Variants in ASAP1 observed in about 807,000 individuals in gnomAD.
ASAP1 encodes the protein arf-GAP with SH3 domain, ANK repeat and PH domain-containing protein 1.
Under a neutral mutation model 145.2 loss-of-function variants are expected in ASAP1, and 43 were observed. The observed-to-expected ratio is 0.30, with a 90% confidence interval of 0.23 to 0.38. ASAP1 has a LOEUF of 0.38. ASAP1 is among the 10% of genes least tolerant of loss of function. ASAP1 has a pLI of 1.00. For synonymous variants in ASAP1, 546 were observed against 515.5 expected, an observed-to-expected ratio of 1.06 and a Z score of -0.80; for missense variants, 1,018 against 1,355.3, an observed-to-expected ratio of 0.75 and a Z score of 3.91.
chr8:130,100,224 A>G (rs555053597), intron 24 of ASAP1, among the ~76,000 whole-genome samples: 1 of 152,284 alleles, frequency 6.6e-6, no homozygotes, highest in South Asian at 2.1e-4. Context: ...GAAATAGATA[A>G]TATCTCATTG....
chr8:130,183,745 A>G (rs1442335440), intron 7 of ASAP1, among the ~76,000 whole-genome samples: 1 of 152,206 alleles, frequency 6.6e-6, no homozygotes, highest in Non-Finnish European at 1.5e-5. Context: ...TTGGAAACAC[A>G]AAACCTAAAC....
intron 5 of ASAP1, among the ~76,000 whole-genome samples, chr8:130,197,600 G>A (rs1815587273): frequency 6.6e-6 from 1 of 152,226 alleles, no homozygotes; most frequent in Non-Finnish European, 1.5e-5. Context: ...GCAGTTAGCT[G>A]AGACACAGTG....
intron 27 of ASAP1, among the ~76,000 whole-genome samples, chr8:130,073,706 G>A (rs1273003655): frequency 1.3e-5 from 2 of 152,156 alleles, no homozygotes; most frequent in Non-Finnish European, 2.9e-5. Flanking sequence ...TTAACCGCTG[G>A]CCCATCGGCT....
At chr8:130,399,390 A>G (rs922340641) in intron 2 of ASAP1, among the ~76,000 whole-genome samples, 1 of 152,220 alleles carries the variant, frequency 6.6e-6, no homozygotes, top group Non-Finnish European at 1.5e-5. Flanking sequence ...TATAATTAAT[A>G]TCACCTGAAA....
At chr8:130,357,895 T>A in intron 3 of ASAP1, 122 bp downstream of exon 3, 2 of 1,351,400 alleles carry the variant, frequency 1.5e-6, no homozygotes, top group Non-Finnish European at 2.0e-6. Context: ...ACCCGGCGGC[T>A]CCCTGAGGGG....
intron 13 of ASAP1, among the ~76,000 whole-genome samples, chr8:130,151,997 T>TA (rs1264587974): frequency 6.6e-6 from 1 of 152,234 alleles, no homozygotes; most frequent in Non-Finnish European, 1.5e-5. Flanking sequence ...TTAACTGAAA[T>TA]AAAGTTTATG....
At chr8:130,388,442 C>T (rs1828125362) in intron 2 of ASAP1, among the ~76,000 whole-genome samples, 1 of 152,160 alleles carries the variant, frequency 6.6e-6, no homozygotes, top group South Asian at 2.1e-4. Flanking sequence ...GAGAGGCCTG[C>T]TAGACTTCCA....
At chr8:130,228,343 T>C (rs982571905) in intron 4 of ASAP1, among the ~76,000 whole-genome samples, 6 of 152,096 alleles carry the variant, frequency 3.9e-5, no homozygotes, top group South Asian at 2.1e-4. Context: ...GTGGACAAGA[T>C]AATGAGGGCC....
rs113388843 is a variant in ASAP1, at chr8:130,073,671, C to T, written c.2701+2677G>A. ...CAGTGACTGTGCCAAGAGCTGCAGA[C>T]GGCCAAGGAAGACAGGGCTGAAGCT... On this transcript the variant is annotated intron_variant, in intron 27 of 29. Coordinates refer to ENST00000518721, the MANE Select transcript of ASAP1 (RefSeq NM_018482.4). 6.6e-3 allele frequency among the ~76,000 whole-genome samples: 1,004 copies of T among 152,242 alleles called. 10 individuals carry two copies. Among genetic ancestry groups the T allele is most frequent in the African/African-American group, 0.023 (969 of 41,530 alleles).
chr8:130,266,331 CAG>C (rs893140826), intron 3 of ASAP1, among the ~76,000 whole-genome samples: 1 of 152,068 alleles, frequency 6.6e-6, no homozygotes, highest in Non-Finnish European at 1.5e-5. Flanking sequence ...TTGTATACAA[CAG>C]GGGTCTAGAC....
intron 4 of ASAP1, among the ~76,000 whole-genome samples, chr8:130,225,552 C>G (rs774565504): frequency 6.6e-5 from 10 of 152,026 alleles, no homozygotes; most frequent in Non-Finnish European, 1.3e-4. Context: ...TGTATGAAAA[C>G]ATACTGCTAT....
chr8:130,215,525 C>G (rs572230180), intron 4 of ASAP1, among the ~76,000 whole-genome samples: 2 of 152,146 alleles, frequency 1.3e-5, no homozygotes, highest in African/African-American at 4.8e-5. Context: ...GGGCCGATCA[C>G]GAGGTCAGGA....
chr8:130,245,686 T>A (rs1339510336), intron 3 of ASAP1, among the ~76,000 whole-genome samples: 1 of 152,170 alleles, frequency 6.6e-6, no homozygotes, highest in African/African-American at 2.4e-5. Flanking sequence ...GCAGGGCCTA[T>A]GTTAGGCCCA....
intron 12 of ASAP1, among the ~76,000 whole-genome samples, chr8:130,156,054 TATA>T (rs1299433906): frequency 5.3e-5 from 8 of 152,200 alleles, no homozygotes; most frequent in Non-Finnish European, 1.5e-5. Flanking sequence ...CTTTCGTACA[TATA>T]ATGAGAAAAT....
intron 28 of ASAP1, among the ~76,000 whole-genome samples, 178 bp downstream of exon 28, chr8:130,060,401 C>G (rs568268677): frequency 6.6e-6 from 1 of 152,316 alleles, no homozygotes; most frequent in African/African-American, 2.4e-5. Flanking sequence ...CTGCTGGAGC[C>G]TAAAGCCTGG....
At chr8:130,194,045 A>C (rs892275049) in intron 5 of ASAP1, among the ~76,000 whole-genome samples, 5 of 152,194 alleles carry the variant, frequency 3.3e-5, no homozygotes, top group African/African-American at 1.2e-4. Flanking sequence ...GGAAGATAGA[A>C]AACCCCAAGA....
intron 2 of ASAP1, among the ~76,000 whole-genome samples, chr8:130,374,857 G>A (rs1333656868): frequency 6.6e-6 from 1 of 152,182 alleles, no homozygotes; most frequent in Non-Finnish European, 1.5e-5. Flanking sequence ...ATCCCTTAAG[G>A]ATAGTGGTGT....
chr8:130,179,119 T>G (rs1000579409), intron 9 of ASAP1, 145 bp downstream of exon 9: 1 of 530,744 alleles, frequency 1.9e-6, no homozygotes, highest in African/African-American at 2.0e-5. Context: ...AAGACACTAT[T>G]TCTTATCCAT....
chr8:130,289,732 C>T (rs142235915), intron 3 of ASAP1, among the ~76,000 whole-genome samples: 56 of 152,328 alleles, frequency 3.7e-4, no homozygotes, highest in African/African-American at 1.3e-3. Context: ...CTTGTATCCA[C>T]AATCCTTTAG....
Sources: allele counts gnomAD v4.1 joint callset (sites outside exome capture counted in the v4.1 genomes callset), GRCh38; gene constraint gnomAD v4.1.1; transcripts MANE v1.5; gene names NCBI Gene and HGNC (gene_info 2026-07-23, HGNC 2026-07-21).